ASIC2: variants seen among roughly 807,000 people sequenced by gnomAD.
ASIC2 encodes acid sensing ion channel subunit 2, also known as acid-sensing ion channel 2.
ASIC2 carries 25 observed loss-of-function variants against 57.3 expected under a neutral mutation model. The ratio of observed to expected loss-of-function variants is 0.44; its 90% CI spans 0.32 to 0.61. ASIC2 has a LOEUF of 0.61. Among genes scored for constraint, ASIC2 ranks in the 20% least tolerant of loss-of-function variants. The pLI is 0.06. For synonymous variants in ASIC2, 319 were observed against 307.5 expected (o/e 1.04, Z -0.39); for missense variants, 641 against 738.1 (o/e 0.87, Z 1.52).
intron 1 of ASIC2, among the ~76,000 whole-genome samples, chr17:33,405,302 A>G (rs1396530167): frequency 6.6e-6 from 1 of 152,086 alleles, no homozygotes; most frequent in Non-Finnish European, 1.5e-5. Context: ...GAAAAAAGGG[A>G]CAATAGGAAT....
rs192122416 is a variant in ASIC2, at chr17:33,366,168, G to T, written c.556-254101C>A. On this transcript the variant is annotated intron_variant, in intron 1 of 9. Coordinates refer to the ASIC2 transcript ENST00000359872. The stretch of plus-strand genomic sequence containing the variant: ...GGAGCCCTGCTCTTGACTGGCACAA[G>T]GTCAAATTCATCATCATTGATTCTT... Among the ~76,000 whole-genome samples, 449 of 152,326 alleles carry T rather than the reference G, an allele frequency of 2.9e-3. 12 individuals are homozygous for T. The highest frequency in any genetic ancestry group is 6.8e-3 in the Middle Eastern group (2 of 294).
intron 1 of ASIC2, among the ~76,000 whole-genome samples, chr17:33,419,605 C>T (rs994048611): frequency 1.4e-4 from 21 of 152,186 alleles, no homozygotes; most frequent in African/African-American, 4.3e-4. Context: ...GAATTAAAAA[C>T]GTATTACTCT....
chr17:33,559,103 G>C lies in ASIC2; in HGVS notation c.556-447036C>G, dbSNP rs547119154. On this transcript the variant is annotated intron_variant, in intron 1 of 9. Coordinates refer to the ASIC2 transcript ENST00000359872. The stretch of plus-strand genomic sequence containing the variant: ...GGCATGGCTTTCTGATGTCTTAACT[G>C]GATCTCCAGGTGTTAACAAGGCCTC... Among the ~76,000 whole-genome samples the C allele has an allele frequency of 3.9e-5, 6 of 152,164 alleles. No individual in the cohort carries two copies. The South Asian group carries it at 6.2e-4, about 16-fold the overall frequency.
intron 4 of ASIC2, among the ~76,000 whole-genome samples, chr17:33,027,068 T>C (rs1472942081): frequency 6.6e-6 from 1 of 152,190 alleles, no homozygotes; most frequent in African/African-American, 2.4e-5. Context: ...GGGAGGCCAA[T>C]GTTCTTTTTG....
chr17:33,710,972 G>A (rs1468833775), intron 1 of ASIC2, among the ~76,000 whole-genome samples: 10 of 139,014 alleles, frequency 7.2e-5, no homozygotes, highest in Admixed American at 7.0e-4. Flanking sequence ...TTTGAGACAG[G>A]GTCTTGCTCT....
chr17:34,059,268 G>C (rs1221823614), intron 1 of ASIC2, among the ~76,000 whole-genome samples: 1 of 152,222 alleles, frequency 6.6e-6, no homozygotes, highest in Non-Finnish European at 1.5e-5. Flanking sequence ...TGTGGGAGAA[G>C]CTTCTGACTT....
intron 1 of ASIC2, among the ~76,000 whole-genome samples, chr17:33,150,455 C>T (rs547162579): frequency 4.6e-5 from 7 of 152,324 alleles, no homozygotes; most frequent in African/African-American, 1.7e-4. Flanking sequence ...TGTCCATTCT[C>T]TTCTTGGAAC....
chr17:33,463,649 C>T (rs1251969906), intron 1 of ASIC2, among the ~76,000 whole-genome samples: 2 of 151,692 alleles, frequency 1.3e-5, no homozygotes, highest in African/African-American at 4.8e-5. Context: ...GAAACAACTG[C>T]GGGAGTCATG....
intron 1 of ASIC2, among the ~76,000 whole-genome samples, chr17:34,132,079 A>G (rs1027205253): frequency 6.6e-6 from 1 of 152,202 alleles, no homozygotes; most frequent in South Asian, 2.1e-4. Context: ...ATGCCTCTGC[A>G]GGGGACACAA....
intron 1 of ASIC2, among the ~76,000 whole-genome samples, chr17:33,319,605 G>A (rs1906789629): frequency 6.6e-6 from 1 of 152,126 alleles, no homozygotes; most frequent in South Asian, 2.1e-4. Flanking sequence ...TGGGGTAAAT[G>A]GGGTATTCAC....
intron 1 of ASIC2, among the ~76,000 whole-genome samples, chr17:34,025,316 T>C (rs974209132): frequency 6.6e-6 from 1 of 151,914 alleles, no homozygotes; most frequent in Non-Finnish European, 1.5e-5. Context: ...TCCATCAACA[T>C]TTACTGAGCA....
At chr17:33,982,638 G>A (rs1905667454) in intron 1 of ASIC2, among the ~76,000 whole-genome samples, 1 of 152,142 alleles carries the variant, frequency 6.6e-6, no homozygotes, top group Non-Finnish European at 1.5e-5. Flanking sequence ...CCTTTGCATA[G>A]GTCGTTTCCT....
intron 1 of ASIC2, among the ~76,000 whole-genome samples, chr17:33,847,806 T>C: frequency 6.6e-6 from 1 of 151,906 alleles, no homozygotes. Flanking sequence ...GGGAGCCCAG[T>C]GGAGGGGAGC....
At chr17:33,096,088 G>A (rs1403755691) in intron 2 of ASIC2, among the ~76,000 whole-genome samples, 1 of 152,226 alleles carries the variant, frequency 6.6e-6, no homozygotes, top group Non-Finnish European at 1.5e-5. Flanking sequence ...ATGCAGACGT[G>A]TACTAGTGTA....
chr17:33,226,597 T>C (rs1175898528), intron 1 of ASIC2, among the ~76,000 whole-genome samples: 2 of 152,204 alleles, frequency 1.3e-5, no homozygotes, highest in African/African-American at 2.4e-5. Context: ...CTTGGCGCAA[T>C]TATATATAAT....
At chr17:33,135,623 A>T (rs2092364226) in intron 1 of ASIC2, among the ~76,000 whole-genome samples, 1 of 152,180 alleles carries the variant, frequency 6.6e-6, no homozygotes, top group African/African-American at 2.4e-5. Flanking sequence ...GCCAGGCAGG[A>T]GGAGACAGGC....
chr17:33,291,760 C>T lies in ASIC2; in HGVS notation c.356G>A (p.Arg119Gln). The T allele has an allele frequency of 6.2e-7, 1 of 1,613,622 alleles. No individual in the cohort carries two copies. The change falls in exon 1 of 10, where the codon CGG becomes CAG. Residue 119 changes from arginine to glutamine, a missense_variant. Arg to Gln is a conservative substitution (Grantham distance 43, BLOSUM62 1). Around this residue, in one of 3 missense-constraint regions of ASIC2, gnomAD observed 382 missense variants for 398.0 expected, o/e 0.96. Coordinates refer to ENST00000225823, the MANE Select transcript of ASIC2 (RefSeq NM_183377.2). ...CTGGCGGCTCCACTCGCGGTGCACC[C>T]GCGTGTGTGACGGGAAGCTGAGCCA... ...LYWLSFPSHT[R>Q]VHREWSRQLP...
chr17:33,355,603 A>T (rs1046816455), intron 1 of ASIC2, among the ~76,000 whole-genome samples: 3 of 152,134 alleles, frequency 2.0e-5, no homozygotes, highest in African/African-American at 7.2e-5. Flanking sequence ...ATTTGATTGT[A>T]AGGAGCATAT....
At chr17:33,871,007 TG>T (rs1270158036) in intron 1 of ASIC2, among the ~76,000 whole-genome samples, 1 of 152,140 alleles carries the variant, frequency 6.6e-6, no homozygotes, top group East Asian at 1.9e-4. Context: ...GGCATGAAGC[TG>T]GGCATCTTGG....
Sources: gnomAD v4.1 joint callset for allele counts (sites outside exome capture counted in the v4.1 genomes callset) on GRCh38, gnomAD v4.1.1 for gene constraint, gnomAD v4.1.1 regional missense constraint, MANE v1.5 for transcripts, NCBI Gene and HGNC (gene_info 2026-07-23, HGNC 2026-07-21) for gene names.